GRIK4: variants seen among roughly 807,000 people sequenced by gnomAD.
The protein encoded by GRIK4 is glutamate receptor ionotropic, kainate 4.
Under a neutral mutation model 104.9 loss-of-function variants are expected in GRIK4, and 40 were observed. The ratio of observed to expected loss-of-function variants is 0.38; its 90% confidence interval spans 0.30 to 0.50. GRIK4 has a LOEUF of 0.50. GRIK4 is among the 20% of genes least tolerant of loss of function. GRIK4 has a pLI of 0.93. For synonymous variants in GRIK4, 485 were observed against 524.9 expected (o/e 0.92, Z 1.04); for missense variants, 1,047 against 1,308.1 (o/e 0.80, Z 3.08).
At chr11:120,826,943 G>T (rs917389651) in intron 6 of GRIK4, among the ~76,000 whole-genome samples, 1 of 152,160 alleles carries the variant, frequency 6.6e-6, no homozygotes, top group Non-Finnish European at 1.5e-5. Flanking sequence ...CACACCCTGA[G>T]GCATGGGCAC....
At chr11:120,889,565 T>C (rs1031419726) in intron 11 of GRIK4, among the ~76,000 whole-genome samples, 2 of 134,834 alleles carry the variant, frequency 1.5e-5, no homozygotes, top group Admixed American at 8.1e-5. Context: ...GGATCTGAAA[T>C]AGAATAAAAT....
chr11:120,800,226 G>A (rs1952597806), intron 3 of GRIK4, among the ~76,000 whole-genome samples: 1 of 152,142 alleles, frequency 6.6e-6, no homozygotes, highest in South Asian at 2.1e-4. Flanking sequence ...CCCTGAAATG[G>A]ATGCAGGTGG....
chr11:120,836,669 G>A, intron 7 of GRIK4, 122 bp from the exon 8 acceptor site: 3 of 731,826 alleles, frequency 4.1e-6, no homozygotes, highest in Middle Eastern at 6.0e-4. Flanking sequence ...AAGATGTTCT[G>A]TTCTGCCTGG....
At chr11:120,585,745 G>T (rs1948654479) in intron 1 of GRIK4, among the ~76,000 whole-genome samples, 1 of 149,666 alleles carries the variant, frequency 6.7e-6, no homozygotes. Context: ...TTTGCAAATG[G>T]GTATCCAATC....
intron 1 of GRIK4, among the ~76,000 whole-genome samples, chr11:120,546,967 G>A (rs1034099918): frequency 2.6e-4 from 39 of 152,240 alleles, no homozygotes; most frequent in Admixed American, 1.4e-3. Flanking sequence ...AAGGTCGGGG[G>A]GTTGGCATTG....
intron 1 of GRIK4, among the ~76,000 whole-genome samples, chr11:120,612,825 G>C (rs1424317157): frequency 6.6e-6 from 1 of 152,234 alleles, no homozygotes; most frequent in Non-Finnish European, 1.5e-5. Context: ...GGGTGGGTCA[G>C]ACAGAGGCCA....
intron 3 of GRIK4, among the ~76,000 whole-genome samples, chr11:120,672,493 A>G (rs1040905453): frequency 3.3e-5 from 5 of 152,168 alleles, no homozygotes; most frequent in Non-Finnish European, 7.4e-5. Context: ...CTTTGATGGG[A>G]ATAGCATCGA....
chr11:120,799,335 G>A (rs1490410371), intron 3 of GRIK4, among the ~76,000 whole-genome samples: 2 of 152,172 alleles, frequency 1.3e-5, no homozygotes, highest in Non-Finnish European at 2.9e-5. Context: ...GGGAGGAGGG[G>A]GAGTTACCTG....
At chr11:120,942,194 C>T (rs1943741675) in intron 14 of GRIK4, among the ~76,000 whole-genome samples, 1 of 152,148 alleles carries the variant, frequency 6.6e-6, no homozygotes, top group African/African-American at 2.4e-5. Context: ...TATGATAATT[C>T]CCAATTTATA....
chr11:120,588,632 A>T (rs958063090), intron 1 of GRIK4, among the ~76,000 whole-genome samples: 3 of 152,160 alleles, frequency 2.0e-5, no homozygotes, highest in African/African-American at 7.2e-5. Context: ...TCAAAGGACC[A>T]CACAGTTGGA....
At chr11:120,755,442 C>T (rs374974386) in intron 3 of GRIK4, among the ~76,000 whole-genome samples, 7 of 152,016 alleles carry the variant, frequency 4.6e-5, no homozygotes, top group African/African-American at 1.4e-4. Flanking sequence ...CTCATCTCTA[C>T]AAAAAATTTG....
chr11:120,598,449 G>T (rs1281907801), intron 1 of GRIK4, among the ~76,000 whole-genome samples: 1 of 152,172 alleles, frequency 6.6e-6, no homozygotes, highest in African/African-American at 2.4e-5. Context: ...GGTGGAACCT[G>T]CCCACCCCCT....
At chr11:120,899,533 T>C (rs567709838) in intron 12 of GRIK4, among the ~76,000 whole-genome samples, 2 of 152,160 alleles carry the variant, frequency 1.3e-5, no homozygotes, top group African/African-American at 4.8e-5. Flanking sequence ...CCCCCTGCCA[T>C]GTGCCAGGTG....
intron 1 of GRIK4, among the ~76,000 whole-genome samples, chr11:120,556,549 AG>A (rs1948187785): frequency 1.3e-5 from 2 of 152,140 alleles, no homozygotes; most frequent in African/African-American, 4.8e-5. Context: ...GGGTGCGTTT[AG>A]GGTTTCTTGG....
At chr11:120,649,027 A>G (rs1401754825) in intron 1 of GRIK4, among the ~76,000 whole-genome samples, 1 of 152,114 alleles carries the variant, frequency 6.6e-6, no homozygotes, top group Non-Finnish European at 1.5e-5. Context: ...AGCAGATGGG[A>G]GTCAGTGCTA....
chr11:120,708,674 G>T lies in GRIK4; in HGVS notation c.82+48274G>T, dbSNP rs143900696. The stretch of plus-strand genomic sequence containing the variant: ...GCTGGTTCCAGAAATGAAGCTGCCC[G>T]CCTAAAGGTTAATTACCCTCAGTCG... On this transcript the variant is annotated intron_variant, in intron 3 of 20. Transcript: ENST00000527524. Among the ~76,000 whole-genome samples the T allele has an allele frequency of 1.2e-4, 18 of 152,330 alleles. No individual in the cohort carries two copies. The East Asian group carries it at 3.5e-3, about 29-fold the overall frequency.
intron 1 of GRIK4, among the ~76,000 whole-genome samples, chr11:120,520,312 G>A (rs999644944): frequency 5.3e-5 from 8 of 152,338 alleles, no homozygotes; most frequent in African/African-American, 1.9e-4. Context: ...CAGCAGGCGC[G>A]GAGAATGAGT....
chr11:120,823,096 C>G (rs1037512678), intron 6 of GRIK4, among the ~76,000 whole-genome samples: 14 of 152,032 alleles, frequency 9.2e-5, no homozygotes, highest in African/African-American at 3.4e-4. Context: ...GTGTACACAG[C>G]GGGGTTGTTA....
At chr11:120,572,986 C>CTTCA (rs146441894) in intron 1 of GRIK4, among the ~76,000 whole-genome samples, 37 of 152,202 alleles carry the variant, frequency 2.4e-4, no homozygotes, top group African/African-American at 4.1e-4. Context: ...CACTCATTCA[C>CTTCA]TTCATTCATT....
Sources: gnomAD v4.1 joint callset for allele counts (sites outside exome capture counted in the v4.1 genomes callset) on GRCh38, gnomAD v4.1.1 for gene constraint, MANE v1.5 for transcripts, NCBI Gene and HGNC (gene_info 2026-07-23, HGNC 2026-07-21) for gene names.